The following MRE11 variants were observed in gnomAD, a reference collection of about 807,000 sequenced individuals.
MRE11 encodes MRE11 double strand break repair nuclease.
Under a neutral mutation model 91.7 loss-of-function variants are expected in MRE11, and 62 were observed. The ratio of observed to expected loss-of-function variants is 0.68; its 90% CI spans 0.55 to 0.84. The LOEUF (loss-of-function observed/expected upper bound fraction) is 0.84, where lower values mean the gene tolerates loss of function less well. Among genes scored for constraint, MRE11 ranks in the 40% least tolerant of loss-of-function variants. The probability of loss-of-function intolerance (pLI) is 0.00; values close to 1 mark genes in which losing one functional copy is unlikely to be tolerated. For missense variants in MRE11, 796 were observed against 852.9 expected, an observed-to-expected ratio of 0.93 and a Z score of 0.83; for synonymous variants, 273 against 271.4, an observed-to-expected ratio of 1.01 and a Z score of -0.06.
rs1945098348 is a variant in MRE11, at chr11:94,419,170, C to A, written c.*955G>T. On this transcript the variant is annotated 3_prime_UTR_variant, in exon 20 of 20. Coordinates refer to ENST00000323929, the MANE Select transcript of MRE11 (RefSeq NM_005591.4). Reference sequence around the variant, plus strand: ...AAACAAGTAAAAAATAGAAGCTTAACATGGGCTACTAAGATTTCTGGAATT... The same window carrying A: ...AAACAAGTAAAAAATAGAAGCTTAAAATGGGCTACTAAGATTTCTGGAATT... 2 of 232,710 alleles carry A rather than the reference C, an allele frequency of 8.6e-6. No individual in the cohort carries two copies. Among genetic ancestry groups the A allele is most frequent in the East Asian group, 1.2e-4 (2 of 16,424 alleles). The allele number at this position is 232,710 out of a possible 1,614,324, so 14.4% of individuals were successfully genotyped here.
chr11:94,496,961 A>AG (rs758344965), upstream of MRE11: 1 of 1,612,598 alleles, frequency 6.2e-7, no homozygotes, highest in African/African-American at 1.3e-5. Context: ...GGTAAAAAAA[A>AG]AAATTACAGA....
Position 94,444,151 on chromosome 11 carries a change from C to T in MRE11, c.1867+1659G>A, listed in dbSNP as rs1056927243. Reference sequence around the variant, plus strand: ...TTCGATCTCCTGAGCTCAGGCAATCCGCCCGCCTCAGCCTCCCAAAGTGGT... The same window carrying T: ...TTCGATCTCCTGAGCTCAGGCAATCTGCCCGCCTCAGCCTCCCAAAGTGGT... On this transcript the variant is annotated intron_variant, in intron 16 of 19. Coordinates refer to ENST00000323929, the MANE Select transcript of MRE11 (RefSeq NM_005591.4). Among the ~76,000 whole-genome samples, 7 of 152,012 alleles carry T rather than the reference C, an allele frequency of 4.6e-5. No individual in the cohort carries two copies. In the East Asian group the frequency reaches 7.7e-4, roughly 17 times the overall value.
rs610611 is a variant in MRE11, at chr11:94,470,702, A to G, written c.846-60T>C. 3.2e-6 allele frequency: 5 copies of G among 1,544,162 alleles called. No homozygotes were observed. The Admixed American group carries it at 8.4e-5, about 26-fold the overall frequency. ...GTAAATTTCCTCAGGGTGATGTGCA[A>G]ACGAAAGCTTTCATATTTCTTAGTT... On this transcript the variant is annotated intron_variant, in intron 8 of 19. Transcript: ENST00000323929.
intron 7 of MRE11, 29 bp downstream of exon 7, chr11:94,476,260 G>A (rs1390984702): frequency 6.7e-7 from 1 of 1,482,802 alleles, no homozygotes; most frequent in Non-Finnish European, 9.4e-7. Context: ...TCAGCACTTG[G>A]CTCAAACTTT....
chr11:94,437,330 T>C (rs76161165), intron 16 of MRE11, 95 bp from the exon 17 acceptor site: 762 of 1,108,844 alleles, frequency 6.9e-4, no homozygotes, highest in Non-Finnish European at 9.6e-4. Flanking sequence ...CTGAGTCCTA[T>C]CTGCAAAACT....
intron 4 of MRE11, 82 bp from the exon 5 acceptor site, chr11:94,479,843 A>C: frequency 1.9e-6 from 2 of 1,065,778 alleles, no homozygotes; most frequent in Non-Finnish European, 2.8e-6. Context: ...ATATTAATGC[A>C]ATCATAGGCA....
intron 7 of MRE11, chr11:94,475,742 A>G (rs1014167511): frequency 7.3e-6 from 3 of 410,258 alleles, no homozygotes; most frequent in African/African-American, 4.1e-5. Context: ...TGTTCATAAC[A>G]GCAAGGTTTA....
intron 14 of MRE11, among the ~76,000 whole-genome samples, chr11:94,452,196 CAAAAA>C (rs35238737): frequency 2.1e-5 from 2 of 94,534 alleles, no homozygotes; most frequent in Admixed American, 1.0e-4. Flanking sequence ...GACTTTGCCT[CAAAAA>C]AAAAAAAAAA....
rs13447661 is a variant in MRE11 at position 94,460,698 on chromosome 11, TAAC to T, written c.1326+235_1326+237del. Among the ~76,000 whole-genome samples, 18,210 of 152,148 alleles carry T rather than the reference TAAC, an allele frequency of 0.12. 1,205 individuals are homozygous for T. The highest frequency in any genetic ancestry group is 0.18 in the South Asian group (892 of 4,826). On this transcript the variant is annotated intron_variant, in intron 12 of 19. Coordinates refer to ENST00000323929, the MANE Select transcript of MRE11 (RefSeq NM_005591.4). ...GCAACAGAGATACAAAGAAAGAGAA[TAAC>T]AACATCAACAATAACAGCTATATTA...
rs976469126 is a variant in MRE11, at chr11:94,490,802, T to C, written c.153+31A>G. 1.9e-6 allele frequency: 3 copies of C among 1,611,770 alleles called. No homozygotes were observed. In the East Asian group the frequency reaches 6.7e-5, roughly 36 times the overall value. On this transcript the variant is annotated intron_variant, in intron 3 of 19. Coordinates refer to ENST00000323929, the MANE Select transcript of MRE11 (RefSeq NM_005591.4). ...TAACTTGTTAACCAAGGGAATATGG[T>C]AGATAGTGCACAAATACAAACCACA...
intron 14 of MRE11, among the ~76,000 whole-genome samples, chr11:94,450,341 T>A (rs1169958686): frequency 6.6e-6 from 1 of 152,196 alleles, no homozygotes; most frequent in Non-Finnish European, 1.5e-5. Flanking sequence ...AGGAACCAGC[T>A]GTATGCTTTT....
At chr11:94,442,408 C>T (rs1026315943) in intron 16 of MRE11, among the ~76,000 whole-genome samples, 2 of 152,016 alleles carry the variant, frequency 1.3e-5, no homozygotes, top group African/African-American at 4.8e-5. Flanking sequence ...TGAATTCTAC[C>T]CACTGGAGTC....
rs147699483 is a variant in MRE11, at chr11:94,422,297, G to C, written c.2071-2116C>G. On this transcript the variant is annotated intron_variant, in intron 19 of 19. Coordinates refer to ENST00000323929, the MANE Select transcript of MRE11 (RefSeq NM_005591.4). ...TCCTCCTCCTCCTCATTCATGGTGG[G>C]GAGATTTCATGGTTGCAGACGCGAT... Among the ~76,000 whole-genome samples the C allele has an allele frequency of 3.5e-3, 532 of 152,084 alleles. 4 individuals carry two copies. The highest frequency in any genetic ancestry group is 5.4e-3 in the Non-Finnish European group (370 of 67,996).
At chr11:94,467,439 G>T (rs34704592) in intron 10 of MRE11, among the ~76,000 whole-genome samples, 7,021 of 152,142 alleles carry the variant, frequency 0.046, 402 homozygotes, top group African/African-American at 0.13. Context: ...TGATGATAGG[G>T]CTGCAGTGAG....
Position 94,417,166 on chromosome 11 carries a change from C to T in MRE11, c.*2959G>A, listed in dbSNP as rs996088676. On this transcript the variant is annotated 3_prime_UTR_variant, in exon 20 of 20. Coordinates refer to ENST00000323929, the MANE Select transcript of MRE11 (RefSeq NM_005591.4). ...TAATCTTTTGTATTTTTAGTAGAGA[C>T]GAGGTTTCACCATGTTGGCCAGGCT... 11 of 166,122 alleles carry T rather than the reference C, an allele frequency of 6.6e-5. No homozygotes were observed. Among genetic ancestry groups the T allele is most frequent in the Admixed American group, 2.6e-4 (4 of 15,582 alleles). The allele number at this position is 166,122 out of a possible 1,614,324, so 10.3% of individuals were successfully genotyped here. A position where few individuals can be genotyped will look rare whatever the true frequency, so the allele number is the denominator to read the frequency against.
Position 94,470,603 on chromosome 11 carries a change from A to G in MRE11, c.885T>C (p.Asn295=), listed in dbSNP as rs1474455126. 1 of 1,613,242 alleles carries G rather than the reference A, an allele frequency of 6.2e-7. No homozygotes were observed. Among genetic ancestry groups the G allele is most frequent in the Non-Finnish European group, 8.5e-7 (1 of 1,179,408 alleles). The change falls in exon 9 of 20, where the codon AAT becomes AAC. Residue 295 remains asparagine (N), a synonymous_variant. Coordinates refer to ENST00000323929, the MANE Select transcript of MRE11 (RefSeq NM_005591.4). The stretch of plus-strand genomic sequence containing the variant: ...CTGTGTGAAGAGGAATTTTATGCAT[A>G]TTCATCTTCCTCCCTTTAATACGCA... ...GLLRIKGRKM[N]MHKIPLHTVR... is the part of the protein sequence containing the mutation.
intron 18 of MRE11, among the ~76,000 whole-genome samples, chr11:94,431,782 G>A (rs189663895): frequency 1.3e-5 from 2 of 152,256 alleles, no homozygotes; most frequent in East Asian, 3.9e-4. Flanking sequence ...GAAGTGCCTG[G>A]CACATAGGAA....
At chr11:94,476,160 CTA>C (rs1307973838) in intron 7 of MRE11, 127 bp downstream of exon 7, 1 of 661,052 alleles carries the variant, frequency 1.5e-6, no homozygotes, top group Non-Finnish European at 2.7e-6. Context: ...CAAAGCAAAT[CTA>C]TGTTTTGTCT....
the MRE11 span, among the ~76,000 whole-genome samples, chr11:94,504,975 A>T: frequency 6.6e-6 from 1 of 152,150 alleles, no homozygotes; most frequent in Non-Finnish European, 1.5e-5. Flanking sequence ...ATTATAATGG[A>T]GCTAAAATTT....
Sources: gnomAD v4.1 joint callset for allele counts (sites outside exome capture counted in the v4.1 genomes callset) on GRCh38, gnomAD v4.1.1 for gene constraint, MANE v1.5 for transcripts, NCBI Gene and HGNC (gene_info 2026-07-23, HGNC 2026-07-21) for gene names.